Variants in EXOSC7 observed in about 807,000 individuals in gnomAD.
The protein encoded by EXOSC7 is exosome complex component RRP42.
A neutral mutation model predicts 34.3 loss-of-function variants in EXOSC7; 25 were observed. The ratio of observed to expected loss-of-function variants is 0.73; its 90% CI spans 0.53 to 1.02. EXOSC7 has a LOEUF of 1.02. Ranked by LOEUF, EXOSC7 falls within the 50% of genes least tolerant of loss-of-function variation. The pLI, the probability that EXOSC7 is intolerant of heterozygous loss-of-function variation, is 0.00. For synonymous variants in EXOSC7, 130 were observed against 143.0 expected (o/e 0.91, Z 0.65); for missense variants, 370 against 368.5 (o/e 1.00, Z -0.03).
At chr3:44,999,556 G>T (rs1338976795) in intron 4 of EXOSC7, among the ~76,000 whole-genome samples, 1 of 152,112 alleles carries the variant, frequency 6.6e-6, no homozygotes, top group Non-Finnish European at 1.5e-5. Context: ...GGGCATGGTG[G>T]TGCCCACCTG....
In EXOSC7 at chr3:44,976,288, T is replaced by C; in HGVS notation, c.11T>C (p.Val4Ala). Residue 4 changes from valine to alanine, a missense_variant, in exon 1 of 8, where the codon GTG becomes GCG. By Grantham distance (64) the Val-to-Ala change is moderately conservative. Transcript: ENST00000265564. Reference protein sequence around the residue: MASVTLSEAEKVYI... With the variant: MASATLSEAEKVYI... ...GGGCAGCTCGGCAGCATGGCGTCCG[T>C]GACGCTGAGCGAGGCGGAGAAGGTG... is the stretch of plus-strand genomic sequence containing the variant. The C allele has an allele frequency of 6.4e-7, 1 of 1,561,538 alleles. No individual in the cohort carries two copies. The highest frequency in any genetic ancestry group is 2.6e-5 in the East Asian group (1 of 38,464).
At chr3:44,984,465 TC>T (rs1291201597) in intron 1 of EXOSC7, among the ~76,000 whole-genome samples, 2 of 146,084 alleles carry the variant, frequency 1.4e-5, no homozygotes, top group Non-Finnish European at 1.5e-5. Flanking sequence ...AGATCCTGTC[TC>T]AAAAAAAAAA....
chr3:44,977,448 G>C (rs991818319), intron 1 of EXOSC7: 1 of 152,104 alleles, frequency 6.6e-6, no homozygotes, highest in African/African-American at 2.4e-5. Context: ...TTTAAAAATC[G>C]TGACCTGCCG....
At chr3:44,996,082 G>A (rs1706713933) in intron 3 of EXOSC7, among the ~76,000 whole-genome samples, 1 of 152,184 alleles carries the variant, frequency 6.6e-6, no homozygotes, top group African/African-American at 2.4e-5. Context: ...CTTTGGGTCT[G>A]CATCCACCTC....
intron 7 of EXOSC7, among the ~76,000 whole-genome samples, chr3:45,009,585 A>G (rs897805346): frequency 6.6e-5 from 10 of 150,576 alleles, no homozygotes; most frequent in African/African-American, 1.7e-4. Context: ...GTCTCACACT[A>G]TCGCCCAGGC....
At chr3:45,001,913 A>G in intron 5 of EXOSC7, 3 of 331,004 alleles carry the variant, frequency 9.1e-6, no homozygotes, top group Non-Finnish European at 1.1e-5. Context: ...CTACAGGCCA[A>G]CTATCCAAAT....
Position 45,007,394 on chromosome 3 carries a change from G to T in EXOSC7, c.616-26G>T, listed in dbSNP as rs184428836. 51 of 1,612,842 alleles carry T rather than the reference G, an allele frequency of 3.2e-5. No homozygotes were observed. The South Asian group carries it at 5.4e-4, about 17-fold the overall frequency. On this transcript the variant is annotated intron_variant, in intron 6 of 7. Coordinates refer to ENST00000265564, the MANE Select transcript of EXOSC7 (RefSeq NM_015004.4). The stretch of plus-strand genomic sequence containing the variant: ...GACTCTGGGGCCTGCGTGACCCACC[G>T]TGTGCCACGCACCCTGCCTTTGCAG...
Position 45,009,202 on chromosome 3 carries a change from C to T in EXOSC7, c.771+1627C>T, listed in dbSNP as rs1707136852. Among the ~76,000 whole-genome samples the T allele has an allele frequency of 2.6e-5, 4 of 152,204 alleles. No individual in the cohort carries two copies. The South Asian group carries it at 8.3e-4, about 31-fold the overall frequency. ...GTTCAGTGAGCTGAGCTTTGTCCTC[C>T]CCTCAGGTTTGGGGAGTGAGGTCTG... is the stretch of plus-strand genomic sequence containing the variant. On this transcript the variant is annotated intron_variant, in intron 7 of 7. Transcript: ENST00000265564.
chr3:44,991,286 C>T (rs1706565464), intron 3 of EXOSC7, among the ~76,000 whole-genome samples: 1 of 152,186 alleles, frequency 6.6e-6, no homozygotes, highest in Admixed American at 6.5e-5. Flanking sequence ...TCTTCTCTCA[C>T]CAGCCTGAGT....
intron 7 of EXOSC7, 22 bp from the exon 8 acceptor site, chr3:45,011,213 C>T (rs761935778): frequency 1.3e-6 from 2 of 1,513,378 alleles, no homozygotes; most frequent in Non-Finnish European, 1.8e-6. Flanking sequence ...GGTGTGTGCT[C>T]TCTCCCGTCC....
chr3:45,011,965 T>A (rs1043101619), downstream of EXOSC7, among the ~76,000 whole-genome samples: 5 of 152,250 alleles, frequency 3.3e-5, no homozygotes, highest in Non-Finnish European at 5.9e-5. Flanking sequence ...TTATAACCAC[T>A]CCCTGGTGTT....
In EXOSC7 at chr3:45,011,363, T is replaced by TG. The variant is rs1238308859; in HGVS notation, c.*26dup. 3 of 1,446,786 alleles carry TG rather than the reference T, an allele frequency of 2.1e-6. No homozygotes were observed. The highest frequency in any genetic ancestry group is 2.9e-6 in the Non-Finnish European group (3 of 1,040,252). The allele number at this position is 1,446,786 out of a possible 1,614,324, so 89.6% of individuals were successfully genotyped here. A position where few individuals can be genotyped will look rare whatever the true frequency, so the allele number is the denominator to read the frequency against. On this transcript the variant is annotated 3_prime_UTR_variant, in exon 8 of 8. Coordinates refer to ENST00000265564, the MANE Select transcript of EXOSC7 (RefSeq NM_015004.4). ...GATTTGCACATCAACTGCTCAACTG[T>TG]GGATTGTTTTTTACTTTTCCTTTTA...
At position 44,981,052 on chromosome 3, in the gene EXOSC7, T is replaced by G. The variant is rs1251437974; in HGVS notation, c.57+4718T>G. ...GCCCAGGGATTCTGAAGCCTTGAAGTGCATTTTACTCACCTACAAAATACA... is the reference window on the plus strand; with the variant it reads ...GCCCAGGGATTCTGAAGCCTTGAAGGGCATTTTACTCACCTACAAAATACA... On this transcript the variant is annotated intron_variant, in intron 1 of 7. Transcript: ENST00000265564. Among the ~76,000 whole-genome samples the G allele has an allele frequency of 5.3e-5, 8 of 152,202 alleles. No individual in the cohort carries two copies. In the East Asian group the frequency reaches 1.5e-3, roughly 29 times the overall value.
intron 1 of EXOSC7, among the ~76,000 whole-genome samples, chr3:44,977,584 T>C (rs753321417): frequency 2.6e-5 from 4 of 152,200 alleles, no homozygotes; most frequent in Non-Finnish European, 4.4e-5. Context: ...GTGGGACATA[T>C]GTGTGTATTA....
chr3:44,995,780 T>G (rs1319617145), intron 3 of EXOSC7, among the ~76,000 whole-genome samples: 1 of 152,182 alleles, frequency 6.6e-6, no homozygotes, highest in East Asian at 1.9e-4. Context: ...GAGGCAAAAT[T>G]TTATGTAACA....
chr3:44,994,655 A>T (rs376928863), intron 3 of EXOSC7, among the ~76,000 whole-genome samples: 1 of 152,164 alleles, frequency 6.6e-6, no homozygotes, highest in East Asian at 1.9e-4. Context: ...ACATCAGCAG[A>T]ATATGGGGTC....
At chr3:44,989,306 C>A in intron 2 of EXOSC7, 65 bp downstream of exon 2, 1 of 1,221,716 alleles carries the variant, frequency 8.2e-7, no homozygotes, top group Admixed American at 1.9e-5. Context: ...GAATGAGCTG[C>A]TGACGCTGTC....
In EXOSC7 at chr3:45,007,407, C is replaced by T. The variant is rs779365802; in HGVS notation, c.616-13C>T. On this transcript the variant is annotated splice_polypyrimidine_tract_variant and intron_variant, in intron 6 of 7. Coordinates refer to ENST00000265564, the MANE Select transcript of EXOSC7 (RefSeq NM_015004.4). ...GCGTGACCCACCGTGTGCCACGCACCCTGCCTTTGCAGATTGGCTATCGGC... is the reference window on the plus strand; with the variant it reads ...GCGTGACCCACCGTGTGCCACGCACTCTGCCTTTGCAGATTGGCTATCGGC... 1.9e-6 allele frequency: 3 copies of T among 1,613,796 alleles called. No homozygotes were observed. The highest frequency in any genetic ancestry group is 2.2e-5 in the South Asian group (2 of 90,946).
At position 44,989,159 on chromosome 3, in the gene EXOSC7, G is replaced by A; in HGVS notation, c.77G>A (p.Gly26Asp). 1 of 1,614,090 alleles carries A rather than the reference G, an allele frequency of 6.2e-7. No individual in the cohort carries two copies. Among genetic ancestry groups the A allele is most frequent in the Non-Finnish European group, 8.5e-7 (1 of 1,179,950 alleles). Residue 26 changes from glycine (G) to aspartate (D), a missense_variant, in exon 2 of 8, where the codon GGC becomes GAC. Physicochemically the swap from Gly to Asp is moderately conservative, Grantham distance 94. Around this residue, in one of 3 missense-constraint regions of EXOSC7, gnomAD observed 95 missense variants for 79.8 expected, o/e 1.19. Coordinates refer to ENST00000265564, the MANE Select transcript of EXOSC7 (RefSeq NM_015004.4). ...ACCTAGGAAGACCTCCGTGTGGATG[G>A]CCGTGGCTGTGAGGACTACCGATGT... is the stretch of plus-strand genomic sequence containing the variant. Reference protein sequence around the residue: ...HGVQEDLRVDGRGCEDYRCVE... With the variant: ...HGVQEDLRVDDRGCEDYRCVE...
Sources: allele counts gnomAD v4.1 joint callset (sites outside exome capture counted in the v4.1 genomes callset), GRCh38; gene constraint gnomAD v4.1.1; regional missense constraint gnomAD v4.1.1; transcripts MANE v1.5; gene names NCBI Gene and HGNC (gene_info 2026-07-23, HGNC 2026-07-21).